The following ACTR3C variants were observed in gnomAD, a reference collection of about 807,000 sequenced individuals.
ACTR3C encodes the protein actin related protein 3C, also known as actin-related protein 3C.
In ACTR3C, 18 loss-of-function variants were observed where a neutral mutation model predicts 26.3. The ratio of observed to expected loss-of-function variants is 0.68; its 90% CI spans 0.47 to 1.01. The LOEUF (loss-of-function observed/expected upper bound fraction) is 1.01. ACTR3C is among the 50% of genes least tolerant of loss of function. The probability of loss-of-function intolerance (pLI) is 0.00; values close to 1 mark genes in which losing one functional copy is unlikely to be tolerated. For missense variants in ACTR3C, 184 were observed against 250.7 expected (o/e 0.73, Z 1.80); for synonymous variants, 55 against 94.5 (o/e 0.58, Z 2.42).
the ACTR3C span, among the ~76,000 whole-genome samples, chr7:150,109,086 C>A: frequency 6.6e-6 from 1 of 152,024 alleles, no homozygotes; most frequent in African/African-American, 2.4e-5. Context: ...AAGTCGGGTG[C>A]GACCAGAGGC....
chr7:149,887,957 G>A, the ACTR3C span, among the ~76,000 whole-genome samples: 1 of 152,170 alleles, frequency 6.6e-6, no homozygotes, highest in African/African-American at 2.4e-5. Flanking sequence ...ATGATTCTGA[G>A]ACCTCCTCAA....
chr7:150,188,728 A>G, the ACTR3C span, among the ~76,000 whole-genome samples: 1 of 151,900 alleles, frequency 6.6e-6, no homozygotes, highest in Non-Finnish European at 1.5e-5. Flanking sequence ...AATTGTAGAC[A>G]TGGTTGAGTA....
chr7:150,126,443 T>G, the ACTR3C span, among the ~76,000 whole-genome samples: 2 of 152,194 alleles, frequency 1.3e-5, no homozygotes, highest in East Asian at 1.9e-4. Context: ...CATTAGGAAC[T>G]AAATCTCTGA....
At chr7:150,158,265 T>A in the ACTR3C span, among the ~76,000 whole-genome samples, 5 of 151,934 alleles carry the variant, frequency 3.3e-5, no homozygotes, top group Non-Finnish European at 7.4e-5. Context: ...TTATAGTCAT[T>A]ATGGAAAGTA....
At chr7:149,945,888 T>C in the ACTR3C span, among the ~76,000 whole-genome samples, 44 of 152,230 alleles carry the variant, frequency 2.9e-4, no homozygotes, top group African/African-American at 1.1e-3. Flanking sequence ...TCTGGACCCA[T>C]TGCAGACAAG....
the ACTR3C span, among the ~76,000 whole-genome samples, chr7:149,925,910 A>G: frequency 2.0e-5 from 3 of 152,048 alleles, no homozygotes; most frequent in Non-Finnish European, 2.9e-5. Context: ...TAAAAATACA[A>G]AAATTAGCCC....
chr7:150,286,785 G>C (rs1054367081), intron 4 of ACTR3C, among the ~76,000 whole-genome samples: 4 of 151,094 alleles, frequency 2.6e-5, no homozygotes, highest in African/African-American at 9.8e-5. Flanking sequence ...TCTCAGCCTT[G>C]GTCTATCCAA....
At chr7:150,231,168 T>C in the ACTR3C span, among the ~76,000 whole-genome samples, 1 of 152,198 alleles carries the variant, frequency 6.6e-6, no homozygotes, top group Non-Finnish European at 1.5e-5. Context: ...TATTTTATAT[T>C]TCTCTTGAGC....
At chr7:150,207,226 C>G in the ACTR3C span, among the ~76,000 whole-genome samples, 4 of 152,188 alleles carry the variant, frequency 2.6e-5, no homozygotes, top group South Asian at 6.2e-4. Flanking sequence ...GCCTTTCCTA[C>G]CTAAACCACA....
At chr7:150,093,165 A>C in the ACTR3C span, among the ~76,000 whole-genome samples, 1 of 151,206 alleles carries the variant, frequency 6.6e-6, no homozygotes, top group Admixed American at 6.6e-5. Context: ...CTAAAACAAG[A>C]GAAGCAATTA....
intron 6 of ACTR3C, among the ~76,000 whole-genome samples, chr7:150,280,591 G>A (rs1835235351): frequency 6.6e-6 from 1 of 152,146 alleles, no homozygotes. Context: ...CCAGCATGGT[G>A]AGTACAGTTA....
At chr7:150,060,485 C>T in the ACTR3C span, among the ~76,000 whole-genome samples, 1 of 152,232 alleles carries the variant, frequency 6.6e-6, no homozygotes, top group Non-Finnish European at 1.5e-5. Context: ...GATAGCACCC[C>T]TATCTTTGCA....
the ACTR3C span, among the ~76,000 whole-genome samples, chr7:150,045,409 C>T: frequency 6.6e-6 from 1 of 152,174 alleles, no homozygotes; most frequent in Non-Finnish European, 1.5e-5. Context: ...TTTAATTATA[C>T]AATTTAAAGG....
the ACTR3C span, among the ~76,000 whole-genome samples, chr7:150,039,280 C>G: frequency 9.9e-6 from 1 of 101,410 alleles, no homozygotes; most frequent in Non-Finnish European, 2.3e-5. Context: ...GGGGGTGCCT[C>G]CCCCCTCCTG....
the ACTR3C span, among the ~76,000 whole-genome samples, chr7:150,103,323 A>C: frequency 6.6e-6 from 1 of 152,004 alleles, no homozygotes; most frequent in Non-Finnish European, 1.5e-5. Flanking sequence ...GTGAATATTT[A>C]AAAATAAAAT....
At chr7:150,211,268 C>T in the ACTR3C span, among the ~76,000 whole-genome samples, 1 of 150,074 alleles carries the variant, frequency 6.7e-6, no homozygotes, top group Non-Finnish European at 1.5e-5. Flanking sequence ...AAACACTCTG[C>T]CTATGGTTCT....
chr7:150,121,441 GACAA>G, the ACTR3C span, among the ~76,000 whole-genome samples: 443 of 149,466 alleles, frequency 3.0e-3, no homozygotes, highest in African/African-American at 9.3e-3. Flanking sequence ...ACCAATAATA[GACAA>G]ACAGAGAGCC....
the ACTR3C span, among the ~76,000 whole-genome samples, chr7:150,169,690 A>G: frequency 2.0e-5 from 3 of 150,802 alleles, no homozygotes; most frequent in Non-Finnish European, 4.4e-5. Context: ...AAATAGAAAG[A>G]CACAATTAAG....
chr7:150,079,990 C>T, the ACTR3C span, among the ~76,000 whole-genome samples: 3 of 152,192 alleles, frequency 2.0e-5, no homozygotes, highest in Non-Finnish European at 4.4e-5. Context: ...TTTAAACTCA[C>T]TTGCAATTTT....
Sources: allele counts gnomAD v4.1 joint callset (sites outside exome capture counted in the v4.1 genomes callset), GRCh38; gene constraint gnomAD v4.1.1; transcripts MANE v1.5; gene names NCBI Gene and HGNC (gene_info 2026-07-23, HGNC 2026-07-21).